Variants in PRH1 observed in about 807,000 individuals in gnomAD.
PRH1 encodes the protein salivary acidic proline-rich phosphoprotein 1/2.
In PRH1, 7 loss-of-function variants were observed where a neutral mutation model predicts 7.9. That is an observed-to-expected ratio of 0.89 (90% confidence interval 0.50 to 1.67). PRH1 has a LOEUF of 1.67. PRH1 is among the 40% of genes most tolerant of loss of function. PRH1 has a pLI of 0.00. For missense variants in PRH1, 109 were observed against 223.6 expected, an observed-to-expected ratio of 0.49 and a Z score of 3.27; for synonymous variants, 45 against 80.8, an observed-to-expected ratio of 0.56 and a Z score of 2.38.
chr12:11,052,924 ATT>A (rs1329426327), intron 1 of PRH1, among the ~76,000 whole-genome samples: 2 of 44,112 alleles, frequency 4.5e-5, no homozygotes, highest in Non-Finnish European at 1.5e-4. Flanking sequence ...GATTTTTTTG[ATT>A]TTTTGTTTTT....
At chr12:10,989,485 T>C (rs61912277) in intron 1 of PRH1, among the ~76,000 whole-genome samples, 12,634 of 152,270 alleles carry the variant, frequency 0.083, 747 homozygotes, top group Non-Finnish European at 0.13. Flanking sequence ...TCATCAAATA[T>C]AGCTTTCAAA....
upstream of PRH1, among the ~76,000 whole-genome samples, chr12:11,049,849 T>C (rs768597875): frequency 3.4e-4 from 52 of 152,232 alleles, no homozygotes; most frequent in Non-Finnish European, 6.3e-4. Flanking sequence ...CCTTAAAATC[T>C]GGTTTCTGAT....
intron 1 of PRH1, chr12:10,987,062 A>C: frequency 2.4e-6 from 1 of 415,400 alleles, no homozygotes; most frequent in Non-Finnish European, 4.2e-6. Context: ...CTTTACGGAA[A>C]ACATTCTTAT....
chr12:10,973,651 T>G, intron 2 of PRH1: 1 of 778,720 alleles, frequency 1.3e-6, no homozygotes, highest in Non-Finnish European at 2.4e-6. Context: ...TATGTAGAAG[T>G]TACCTGTGAA....
At chr12:10,892,595 A>G (rs1949590779) in intron 2 of PRH1, among the ~76,000 whole-genome samples, 1 of 152,152 alleles carries the variant, frequency 6.6e-6, no homozygotes. Context: ...CAAAATTGCT[A>G]AAATCATTAT....
intron 1 of PRH1, among the ~76,000 whole-genome samples, chr12:11,045,192 G>A (rs1161912543): frequency 6.7e-6 from 1 of 148,566 alleles, no homozygotes; most frequent in Admixed American, 6.7e-5. Context: ...ATGTTAAGTT[G>A]AATACATCAG....
At chr12:11,041,106 A>G (rs1227141793) in intron 1 of PRH1, among the ~76,000 whole-genome samples, 9 of 152,078 alleles carry the variant, frequency 5.9e-5, no homozygotes, top group Admixed American at 5.9e-4. Context: ...CCTTACTACC[A>G]GTAATAACGT....
chr12:11,024,429 C>T (rs1484182254), intron 1 of PRH1, among the ~76,000 whole-genome samples: 1 of 105,042 alleles, frequency 9.5e-6, no homozygotes, highest in Non-Finnish European at 2.2e-5. Context: ...AGCAACATCC[C>T]TAATTTATGA....
chr12:10,942,731 T>G (rs1299433779), intron 2 of PRH1, among the ~76,000 whole-genome samples: 1 of 152,206 alleles, frequency 6.6e-6, no homozygotes, highest in Non-Finnish European at 1.5e-5. Flanking sequence ...GCCAGGAGGC[T>G]TCTTGATGAC....
chr12:11,115,749 GA>G (rs1945713617), intron 1 of PRH1, among the ~76,000 whole-genome samples: 1 of 151,970 alleles, frequency 6.6e-6, no homozygotes, highest in East Asian at 1.9e-4. Flanking sequence ...AGGAATTTTG[GA>G]AACTATACAG....
intron 1 of PRH1, among the ~76,000 whole-genome samples, chr12:11,161,605 G>T (rs1373493626): frequency 6.6e-6 from 1 of 152,102 alleles, no homozygotes; most frequent in Non-Finnish European, 1.5e-5. Flanking sequence ...GAAAGGAAAA[G>T]AATTGACTGG....
intron 1 of PRH1, among the ~76,000 whole-genome samples, chr12:11,058,225 G>C (rs1043262573): frequency 1.3e-5 from 2 of 152,156 alleles, no homozygotes; most frequent in Non-Finnish European, 2.9e-5. Flanking sequence ...GACAGAATGA[G>C]ACCCTGTCTC....
chr12:10,979,594 A>G (rs1346425717), intron 1 of PRH1, among the ~76,000 whole-genome samples: 2 of 152,168 alleles, frequency 1.3e-5, no homozygotes, highest in African/African-American at 4.8e-5. Flanking sequence ...AAAAATCTGG[A>G]GCAGAAGAAC....
intron 1 of PRH1, among the ~76,000 whole-genome samples, chr12:11,158,576 T>C (rs1272043107): frequency 6.6e-6 from 1 of 152,198 alleles, no homozygotes; most frequent in Non-Finnish European, 1.5e-5. Context: ...GGCATTATTA[T>C]AGTAGAGACA....
downstream of PRH1, among the ~76,000 whole-genome samples, chr12:11,116,632 A>G (rs1263622166): frequency 6.6e-6 from 1 of 152,034 alleles, no homozygotes; most frequent in African/African-American, 2.4e-5. Context: ...AAAGGAAAAC[A>G]ACAAGCACAT....
intron 1 of PRH1, among the ~76,000 whole-genome samples, chr12:10,975,750 G>GAAAA (rs71051551): frequency 1.4e-5 from 2 of 145,224 alleles, no homozygotes; most frequent in African/African-American, 5.2e-5. Context: ...ATAAAAAATA[G>GAAAA]AAAAAAAAAA....
At chr12:11,168,292 GAA>G (rs1286195458) in intron 1 of PRH1, among the ~76,000 whole-genome samples, 1 of 33,498 alleles carries the variant, frequency 3.0e-5, no homozygotes, top group Non-Finnish European at 7.4e-5. Context: ...AAGAAAGAAA[GAA>G]AGAAAGAAGG....
chr12:11,103,796 G>A (rs2136288519), intron 1 of PRH1, among the ~76,000 whole-genome samples: 1 of 152,086 alleles, frequency 6.6e-6, no homozygotes, highest in East Asian at 1.9e-4. Flanking sequence ...CACAATAAAT[G>A]CTCAAGAATG....
intron 1 of PRH1, among the ~76,000 whole-genome samples, chr12:11,106,895 G>GTA: frequency 1.3e-5 from 2 of 152,268 alleles, no homozygotes; most frequent in East Asian, 3.9e-4. Flanking sequence ...TATACTAGTT[G>GTA]TATAACTGCT....
Sources: allele counts gnomAD v4.1 joint callset (sites outside exome capture counted in the v4.1 genomes callset), GRCh38; gene constraint gnomAD v4.1.1; transcripts MANE v1.5; gene names NCBI Gene and HGNC (gene_info 2026-07-23, HGNC 2026-07-21).